ADGRE2: variants seen among roughly 807,000 people sequenced by gnomAD.
ADGRE2 encodes CD97 antigen.
In ADGRE2, 83 loss-of-function variants were observed where a neutral mutation model predicts 100.8. That is an observed-to-expected ratio of 0.82 (90% CI 0.69 to 0.99). ADGRE2 has a LOEUF of 0.99. ADGRE2 is among the 50% of genes least tolerant of loss of function. The pLI, the probability that ADGRE2 is intolerant of heterozygous loss-of-function variation, is 0.00. For synonymous variants in ADGRE2, 355 were observed against 413.0 expected (o/e 0.86, Z 1.70); for missense variants, 814 against 1,035.7 (o/e 0.79, Z 2.94).
At chr19:14,774,512 T>C (rs149649725) in intron 2 of ADGRE2, among the ~76,000 whole-genome samples, 1 of 151,278 alleles carries the variant, frequency 6.6e-6, no homozygotes, top group African/African-American at 2.4e-5. Flanking sequence ...GGGTGGGTTT[T>C]GTTTTGTTTT....
intron 2 of ADGRE2, 35 bp downstream of exon 2, chr19:14,776,691 C>T (rs1196835147): frequency 6.2e-7 from 1 of 1,602,950 alleles, no homozygotes; most frequent in Non-Finnish European, 8.5e-7. Context: ...GGAGCTTCCT[C>T]GCTACCACCC....
intron 20 of ADGRE2, among the ~76,000 whole-genome samples, chr19:14,738,525 G>A (rs1296746769): frequency 1.3e-5 from 2 of 151,986 alleles, no homozygotes; most frequent in Non-Finnish European, 2.9e-5. Flanking sequence ...CTACAGGCAT[G>A]CACCACCATG....
At chr19:14,728,829 A>C (rs887707796), downstream of ADGRE2, among the ~76,000 whole-genome samples, 21 of 152,232 alleles carry the variant, frequency 1.4e-4, no homozygotes, top group African/African-American at 4.8e-4. Flanking sequence ...ACGTCAATCA[A>C]GATCCAAGAG....
chr19:14,770,891 G>T (rs1364028294), intron 5 of ADGRE2, among the ~76,000 whole-genome samples: 1 of 151,734 alleles, frequency 6.6e-6, no homozygotes, highest in Non-Finnish European at 1.5e-5. Context: ...TGTTTGTCAG[G>T]CTGGTCTTGA....
At chr19:14,762,125 C>T (rs773660165) in intron 11 of ADGRE2, among the ~76,000 whole-genome samples, 3 of 152,034 alleles carry the variant, frequency 2.0e-5, no homozygotes, top group East Asian at 1.9e-4. Flanking sequence ...GGCTGTGTCA[C>T]GGGCCATGGT....
chr19:14,746,373 C>CTA, intron 17 of ADGRE2, 50 bp from the exon 18 acceptor site: 32 of 940,970 alleles, frequency 3.4e-5, no homozygotes, highest in African/African-American at 5.0e-5. Flanking sequence ...AACCTGTTAT[C>CTA]TCTTTTTTTT....
chr19:14,753,907 G>A (rs1283663893), intron 14 of ADGRE2, among the ~76,000 whole-genome samples: 1 of 152,178 alleles, frequency 6.6e-6, no homozygotes, highest in Non-Finnish European at 1.5e-5. Flanking sequence ...TTAATACTGG[G>A]TGTCAACTTG....
chr19:14,765,906 T>G, intron 7 of ADGRE2, 102 bp from the exon 8 acceptor site: 1 of 1,601,094 alleles, frequency 6.2e-7, no homozygotes, highest in Non-Finnish European at 8.5e-7. Flanking sequence ...AGTGCCCCCC[T>G]TGGAGAGGTG....
rs2043293497 is a variant in ADGRE2, at chr19:14,751,771, G to A, written c.1789-100C>T. 1.3e-5 allele frequency: 11 copies of A among 818,780 alleles called. No homozygotes were observed. The South Asian group carries it at 1.9e-4, about 14-fold the overall frequency. The allele number at this position is 818,780 out of a possible 1,614,324, so 50.7% of individuals were successfully genotyped here. A position where few individuals can be genotyped will look rare whatever the true frequency, so the allele number is the denominator to read the frequency against. ...TGTTGGGGAGAATTCTGAGATATTT[G>A]ATGGCATTATAGAGAATATTTGCTG... is the stretch of plus-strand genomic sequence containing the variant. On this transcript the variant is annotated intron_variant, in intron 15 of 20. Coordinates refer to ENST00000315576, the MANE Select transcript of ADGRE2 (RefSeq NM_013447.4).
intron 18 of ADGRE2, among the ~76,000 whole-genome samples, chr19:14,744,524 T>G (rs1009048430): frequency 3.3e-5 from 5 of 150,372 alleles, no homozygotes; most frequent in Admixed American, 2.0e-4. Context: ...GGCGTGATCT[T>G]GGCTCACTGC....
downstream of ADGRE2, chr19:14,731,298 T>A: frequency 9.1e-7 from 1 of 1,093,850 alleles, no homozygotes; most frequent in Non-Finnish European, 1.3e-6. Context: ...ATCTGCAGAT[T>A]CTGAAGCTTG....
At chr19:14,773,311 TCCC>T (rs1236465158) in intron 4 of ADGRE2, among the ~76,000 whole-genome samples, 64 of 144,380 alleles carry the variant, frequency 4.4e-4, no homozygotes, top group African/African-American at 1.6e-3. Context: ...CCTTCTTTCC[TCCC>T]TCCCTCCCTC....
chr19:14,756,414 T>A, intron 11 of ADGRE2, 69 bp from the exon 12 acceptor site: 4 of 930,242 alleles, frequency 4.3e-6, no homozygotes, highest in Non-Finnish European at 7.0e-6. Context: ...TGATATACTA[T>A]GACTTAATAT....
intron 3 of ADGRE2, 54 bp downstream of exon 3, chr19:14,774,202 A>G (rs45480298): frequency 0.041 from 61,468 of 1,509,044 alleles, 2,391 homozygotes; most frequent in African/African-American, 0.18. Context: ...GGGGTCCAGG[A>G]CCCTCCCCAG....
chr19:14,732,191 C>T (rs1033821428), downstream of ADGRE2: 2 of 152,086 alleles, frequency 1.3e-5, no homozygotes, highest in Non-Finnish European at 2.9e-5. Flanking sequence ...ACAAATTGAA[C>T]GTTTATGGCA....
chr19:14,771,364 C>T (rs868786052), intron 5 of ADGRE2, among the ~76,000 whole-genome samples: 1 of 152,296 alleles, frequency 6.6e-6, no homozygotes, highest in African/African-American at 2.4e-5. Flanking sequence ...TCTCTGTCCA[C>T]CTGCTACTGG....
chr19:14,725,947 G>A, the ADGRE2 span, among the ~76,000 whole-genome samples: 1 of 152,200 alleles, frequency 6.6e-6, no homozygotes, highest in Non-Finnish European at 1.5e-5. Context: ...GGATTCTTGT[G>A]GGGGTACGGG....
At chr19:14,768,139 T>C (rs1018615445) in intron 5 of ADGRE2, among the ~76,000 whole-genome samples, 1 of 152,198 alleles carries the variant, frequency 6.6e-6, no homozygotes, top group Non-Finnish European at 1.5e-5. Flanking sequence ...AGAATCCCGG[T>C]GGCCCTAGCA....
chr19:14,759,509 T>A (rs1415958482), intron 11 of ADGRE2, among the ~76,000 whole-genome samples: 10 of 92,570 alleles, frequency 1.1e-4, no homozygotes, highest in African/African-American at 3.3e-4. Flanking sequence ...ATATATTTTT[T>A]TTTTTTAGAC....
Sources: allele counts gnomAD v4.1 joint callset (sites outside exome capture counted in the v4.1 genomes callset), GRCh38; gene constraint gnomAD v4.1.1; transcripts MANE v1.5; gene names NCBI Gene and HGNC (gene_info 2026-07-23, HGNC 2026-07-21).